SGTA: variants seen among roughly 807,000 people sequenced by gnomAD.
SGTA encodes small glutamine rich tetratricopeptide repeat co-chaperone alpha, also known as small glutamine-rich tetratricopeptide repeat-containing protein alpha.
Under a neutral mutation model 44.3 loss-of-function variants are expected in SGTA, and 22 were observed. The ratio of observed to expected loss-of-function variants is 0.50; its 90% CI spans 0.36 to 0.71. SGTA has a LOEUF of 0.71. Ranked by LOEUF, SGTA falls within the 30% of genes least tolerant of loss-of-function variation. SGTA has a pLI of 0.00. For synonymous variants in SGTA, 174 were observed against 177.6 expected (o/e 0.98, Z 0.16); for missense variants, 341 against 435.9 (o/e 0.78, Z 1.94).
intron 1 of SGTA, among the ~76,000 whole-genome samples, chr19:2,771,767 G>A (rs1049527392): frequency 1.3e-5 from 2 of 152,282 alleles, no homozygotes; most frequent in South Asian, 2.1e-4. Context: ...GAGGCCAGAA[G>A]CAGGCATGGA....
At position 2,761,936 on chromosome 19, in the gene SGTA, T is replaced by C. The variant is rs1426476283; in HGVS notation, c.637-414A>G. On this transcript the variant is annotated intron_variant, in intron 7 of 11. Coordinates refer to ENST00000221566, the MANE Select transcript of SGTA (RefSeq NM_003021.4). The surrounding 1 kb of genome is among the most constrained non-coding windows in gnomAD (Gnocchi z 5.7). ...GGCACAGTCTATCATCCCGTGTTGA[T>C]TTCCTGTATTCTGCCGCTTTGACAC... Among the ~76,000 whole-genome samples the C allele has an allele frequency of 6.6e-6, 1 of 152,130 alleles. No homozygotes were observed. The highest frequency in any genetic ancestry group is 1.5e-5 in the Non-Finnish European group (1 of 68,014).
intron 8 of SGTA, among the ~76,000 whole-genome samples, chr19:2,760,386 T>C (rs2238615): frequency 0.38 from 57,389 of 151,172 alleles, 13,595 homozygotes; most frequent in African/African-American, 0.66. Flanking sequence ...GGCATGGTGG[T>C]GGGCACCTGT....
At position 2,767,089 on chromosome 19, in the gene SGTA, A is replaced by G. The variant is rs779844080; in HGVS notation, c.292+47T>C. Reference sequence around the variant, plus strand: ...CTCTGCGAGGGTCCCACAGCCCCGGAGTCCAGGTAGGGCGAGGTGTCTGTG... The same window carrying G: ...CTCTGCGAGGGTCCCACAGCCCCGGGGTCCAGGTAGGGCGAGGTGTCTGTG... On this transcript the variant is annotated intron_variant, in intron 4 of 11. Transcript: ENST00000221566. This position sits in a 1 kb window ranked among gnomAD's most constrained non-coding sequence, Gnocchi z 7.3. 7.8e-6 allele frequency: 11 copies of G among 1,405,690 alleles called. No homozygotes were observed. The highest frequency in any genetic ancestry group is 1.1e-5 in the Non-Finnish European group (11 of 1,005,152). 87.1% of individuals were successfully genotyped at this position (1,405,690 alleles called of 1,614,324 possible).
chr19:2,763,336 T>C lies in SGTA; in HGVS notation c.497+317A>G, dbSNP rs1024431428. Among the ~76,000 whole-genome samples the C allele has an allele frequency of 1.3e-5, 2 of 152,144 alleles. No individual in the cohort carries two copies. Among genetic ancestry groups the C allele is most frequent in the Non-Finnish European group, 2.9e-5 (2 of 68,008 alleles). On this transcript the variant is annotated intron_variant, in intron 6 of 11. Transcript: ENST00000221566. The surrounding 1 kb of genome is among the most constrained non-coding windows in gnomAD (Gnocchi z 5.8). ...GTGTCCTTCATCATAAACCAGGTGC[T>C]TCCCTGAGCTCTGTGAGCCGCCCCA... is the stretch of plus-strand genomic sequence containing the variant.
At chr19:2,769,161 C>T in intron 1 of SGTA, 70 bp from the exon 2 acceptor site, 1 of 901,590 alleles carries the variant, frequency 1.1e-6, no homozygotes, top group Non-Finnish European at 1.8e-6. Context: ...AGGCCTGCCC[C>T]TAACTAGCTG....
At position 2,769,005 on chromosome 19, in the gene SGTA, C is replaced by T. The variant is rs866663532; in HGVS notation, c.64G>A (p.Gly22Arg). ...TCCTGAGCATCGGACGAGAGGCCCCCGTGCCGGAGCTGGTCATGCAGGAAC... is the reference window on the plus strand; with the variant it reads ...TCCTGAGCATCGGACGAGAGGCCCCTGTGCCGGAGCTGGTCATGCAGGAAC... The part of the protein sequence containing the change: ...IQFLHDQLRH[G>R]GLSSDAQESL... The change falls in exon 2 of 12, where the codon GGG becomes AGG. Residue 22 changes from glycine to arginine, a missense_variant. Physicochemically the swap from Gly to Arg is moderately radical, Grantham distance 125. Coordinates refer to ENST00000221566, the MANE Select transcript of SGTA (RefSeq NM_003021.4). 2.5e-6 allele frequency: 4 copies of T among 1,613,944 alleles called. No individual in the cohort carries two copies. Among genetic ancestry groups the T allele is most frequent in the African/African-American group, 2.7e-5 (2 of 75,072 alleles).
In SGTA at chr19:2,767,228, C is replaced by A. The variant is rs368819256; in HGVS notation, c.208-8G>T. 3.7e-6 allele frequency: 6 copies of A among 1,604,692 alleles called. No individual in the cohort carries two copies. The highest frequency in any genetic ancestry group is 5.1e-6 in the Non-Finnish European group (6 of 1,175,966). On this transcript the variant is annotated splice_polypyrimidine_tract_variant and splice_region_variant and intron_variant, in intron 3 of 11. Transcript: ENST00000221566. This position sits in a 1 kb window ranked among gnomAD's most constrained non-coding sequence, Gnocchi z 7.3. ...CAGGTCCTGCGGCATCTCCTGGACC[C>A]GGAGGCAAAGGCGGCCCGCTGTCCT...
Position 2,761,952 on chromosome 19 carries a change from G to A in SGTA, c.637-430C>T, listed in dbSNP as rs1162871943. 2.6e-5 allele frequency among the ~76,000 whole-genome samples: 4 copies of A among 152,302 alleles called. No individual in the cohort carries two copies. Among genetic ancestry groups the A allele is most frequent in the South Asian group, 2.1e-4 (1 of 4,834 alleles). ...CCGTGTTGATTTCCTGTATTCTGCC[G>A]CTTTGACACCTTGGGGCCTTGCTGG... On this transcript the variant is annotated intron_variant, in intron 7 of 11. Transcript: ENST00000221566. This position sits in a 1 kb window ranked among gnomAD's most constrained non-coding sequence, Gnocchi z 5.7.
At chr19:2,774,812 G>A (rs997453165) in intron 1 of SGTA, among the ~76,000 whole-genome samples, 4 of 152,186 alleles carry the variant, frequency 2.6e-5, no homozygotes, top group South Asian at 2.1e-4. Context: ...GAGGAAAGCC[G>A]TGGATTCTAC....
At position 2,757,792 on chromosome 19, in the gene SGTA, A is replaced by T; in HGVS notation, c.738-10T>A. 1 of 1,562,430 alleles carries T rather than the reference A, an allele frequency of 6.4e-7. No homozygotes were observed. The highest frequency in any genetic ancestry group is 1.2e-5 in the South Asian group (1 of 83,282). On this transcript the variant is annotated splice_polypyrimidine_tract_variant and intron_variant, in intron 9 of 11. Transcript: ENST00000221566. Reference sequence around the variant, plus strand: ...AATCATGCCGGACATGCTGCAGGAGAGAGCGCGTGACTCGCAGCCGGGACA... The same window carrying T: ...AATCATGCCGGACATGCTGCAGGAGTGAGCGCGTGACTCGCAGCCGGGACA...
intron 1 of SGTA, among the ~76,000 whole-genome samples, chr19:2,778,583 G>C (rs760565125): frequency 6.6e-6 from 1 of 151,298 alleles, no homozygotes; most frequent in Non-Finnish European, 1.5e-5. Context: ...CCCTGGGACA[G>C]AGCTGAGCAG....
rs759624865 is a variant in SGTA, at chr19:2,769,021, A to G, written c.48T>C (p.His16=). 1 of 1,614,038 alleles carries G rather than the reference A, an allele frequency of 6.2e-7. No individual in the cohort carries two copies. The highest frequency in any genetic ancestry group is 2.2e-5 in the East Asian group (1 of 44,888). The change falls in exon 2 of 12, where the codon CAT becomes CAC. Residue 16 remains histidine (H), a synonymous_variant. Coordinates refer to ENST00000221566, the MANE Select transcript of SGTA (RefSeq NM_003021.4). ...RLAYAIIQFL[H]DQLRHGGLSS... ...AGAGGCCCCCGTGCCGGAGCTGGTC[A>G]TGCAGGAACTGGATGATGGCGTAGG...
At chr19:2,769,137 AC>A in intron 1 of SGTA, 46 bp from the exon 2 acceptor site, 2 of 1,208,326 alleles carry the variant, frequency 1.7e-6, no homozygotes, top group Non-Finnish European at 2.4e-6. Flanking sequence ...CACACTCCCC[AC>A]TCCAGGCACC....
intron 11 of SGTA, among the ~76,000 whole-genome samples, 198 bp from the exon 12 acceptor site, chr19:2,756,131 C>T (rs766700189): frequency 3.3e-5 from 5 of 151,952 alleles, no homozygotes; most frequent in Non-Finnish European, 7.4e-5. Context: ...CAGAGAACAT[C>T]GCCATGACCT....
intron 1 of SGTA, chr19:2,770,073 T>A (rs912924898): frequency 5.9e-5 from 3 of 50,756 alleles, no homozygotes; most frequent in Admixed American, 2.8e-4. Context: ...CCCCCCCGGA[T>A]ACCCTCCTGG....
chr19:2,781,168 A>G (rs1178657181), intron 1 of SGTA, among the ~76,000 whole-genome samples: 5 of 152,228 alleles, frequency 3.3e-5, no homozygotes, highest in Non-Finnish European at 7.3e-5. Context: ...GAAAAAATGT[A>G]GAATTGAGTA....
chr19:2,758,035 A>G (rs907609147), intron 9 of SGTA, among the ~76,000 whole-genome samples: 2 of 152,186 alleles, frequency 1.3e-5, no homozygotes, highest in Admixed American at 1.3e-4. Flanking sequence ...CTGCCCCCAG[A>G]GGACCCCTGC....
intron 2 of SGTA, among the ~76,000 whole-genome samples, chr19:2,768,687 T>G (rs1195004134): frequency 6.6e-6 from 1 of 152,014 alleles, no homozygotes; most frequent in African/African-American, 2.4e-5. Flanking sequence ...CACACCTTGG[T>G]GGAAGATGGG....
At chr19:2,772,077 T>C (rs963377220) in intron 1 of SGTA, among the ~76,000 whole-genome samples, 7 of 152,248 alleles carry the variant, frequency 4.6e-5, no homozygotes, top group African/African-American at 9.6e-5. Flanking sequence ...AGCCCGTGCA[T>C]AGTGGACCTT....
Sources: gnomAD v4.1 joint callset for allele counts (sites outside exome capture counted in the v4.1 genomes callset) on GRCh38, gnomAD v4.1.1 for gene constraint, Gnocchi (gnomAD v3.1) non-coding constraint, MANE v1.5 for transcripts, NCBI Gene and HGNC (gene_info 2026-07-23, HGNC 2026-07-21) for gene names.